Variants in SLCO1C1 observed in about 807,000 individuals in gnomAD.
SLCO1C1 encodes OAT-RP-5.
Under a neutral mutation model 76.4 loss-of-function variants are expected in SLCO1C1, and 70 were observed. The observed-to-expected ratio is 0.92, with a 90% CI of 0.76 to 1.12. SLCO1C1 has a LOEUF of 1.12. SLCO1C1 is among the 50% of genes most tolerant of loss of function. The pLI, the probability that SLCO1C1 is intolerant of heterozygous loss-of-function variation, is 0.00. For synonymous variants in SLCO1C1, 306 were observed against 286.1 expected, an observed-to-expected ratio of 1.07 and a Z score of -0.70; for missense variants, 912 against 823.8, an observed-to-expected ratio of 1.11 and a Z score of -1.31.
At chr12:20,717,321 T>C in intron 7 of SLCO1C1, 91 bp downstream of exon 7, 1 of 995,046 alleles carries the variant, frequency 1.0e-6, no homozygotes. Flanking sequence ...ATTGCCTTTT[T>C]ATAAAATGAT....
At chr12:20,742,036 C>A (rs1378229098) in intron 12 of SLCO1C1, among the ~76,000 whole-genome samples, 1 of 152,138 alleles carries the variant, frequency 6.6e-6, no homozygotes, top group East Asian at 1.9e-4. Flanking sequence ...GAAAACAGAA[C>A]TTATTATCCA....
At chr12:20,741,921 A>G (rs1242525622) in intron 12 of SLCO1C1, among the ~76,000 whole-genome samples, 1 of 152,202 alleles carries the variant, frequency 6.6e-6, no homozygotes, top group Non-Finnish European at 1.5e-5. Flanking sequence ...CTTATATTCA[A>G]GGATAAATAC....
rs1183541319 is a variant in SLCO1C1, at chr12:20,733,181, G to T, written c.1382+77G>T. The T allele has an allele frequency of 7.4e-6, 10 of 1,354,932 alleles. No homozygotes were observed. The African/African-American group carries it at 1.3e-4, about 18-fold the overall frequency. The allele number at this position is 1,354,932 out of a possible 1,614,324, so 83.9% of individuals were successfully genotyped here. A position where few individuals can be genotyped will look rare whatever the true frequency, so the allele number is the denominator to read the frequency against. ...AATTATTGGTGGAGTTGCAAAAAAGGAATTTGATTTTTAAACATCATAACT... is the reference window on the plus strand; with the variant it reads ...AATTATTGGTGGAGTTGCAAAAAAGTAATTTGATTTTTAAACATCATAACT... On this transcript the variant is annotated intron_variant, in intron 10 of 14. Coordinates refer to ENST00000266509, the MANE Select transcript of SLCO1C1 (RefSeq NM_017435.5).
In SLCO1C1 at chr12:20,752,761, CACTT is replaced by C. The variant is rs1196878986; in HGVS notation, c.*239_*242del. ...TTAATTTATATAAATTATTTTATAT[CACTT>C]ACTTATTTCACTTTATTTTGCTTTG... On this transcript the variant is annotated 3_prime_UTR_variant, in exon 15 of 15. Transcript: ENST00000266509. The C allele has an allele frequency of 2.8e-5, 9 of 320,572 alleles. No homozygotes were observed. The highest frequency in any genetic ancestry group is 3.9e-5 in the Non-Finnish European group (7 of 179,160). The allele number at this position is 320,572 out of a possible 1,614,324, so 19.9% of individuals were successfully genotyped here.
intron 13 of SLCO1C1, among the ~76,000 whole-genome samples, chr12:20,746,395 A>G (rs1474303779): frequency 6.6e-6 from 1 of 152,164 alleles, no homozygotes; most frequent in Non-Finnish European, 1.5e-5. Flanking sequence ...TATTAACTGT[A>G]TGTCAAAGTA....
At chr12:20,699,986 T>C (rs1451247350) in intron 2 of SLCO1C1, 1 of 254,892 alleles carries the variant, frequency 3.9e-6, no homozygotes, top group Non-Finnish European at 7.4e-6. Flanking sequence ...GTGCCAGATA[T>C]TAAGCCAAGC....
intron 7 of SLCO1C1, among the ~76,000 whole-genome samples, chr12:20,720,951 C>T (rs894527880): frequency 6.2e-5 from 9 of 144,844 alleles, no homozygotes; most frequent in South Asian, 2.2e-4. Context: ...GGGCCGAGAT[C>T]GCGCCATTGC....
intron 9 of SLCO1C1, among the ~76,000 whole-genome samples, chr12:20,725,595 GTTTTC>G (rs1257700018): frequency 2.0e-5 from 3 of 147,696 alleles, no homozygotes; most frequent in Non-Finnish European, 3.0e-5. Flanking sequence ...CATTTGTGTT[GTTTTC>G]TTTTAACTAA....
At position 20,753,045 on chromosome 12, in the gene SLCO1C1, T is replaced by G. The variant is rs1437727682; in HGVS notation, c.*517T>G. ...TGGAGAGGAAGATTTCATTTTAAGC[T>G]CCTCCTTTTCTTTGAAATACAATAA... On this transcript the variant is annotated 3_prime_UTR_variant, in exon 15 of 15. Coordinates refer to ENST00000266509, the MANE Select transcript of SLCO1C1 (RefSeq NM_017435.5). 6.6e-6 allele frequency: 1 copy of G among 152,194 alleles called. No homozygotes were observed. The highest frequency in any genetic ancestry group is 1.5e-5 in the Non-Finnish European group (1 of 68,042). 9.4% of individuals were successfully genotyped at this position (152,194 alleles called of 1,614,324 possible).
intron 9 of SLCO1C1, among the ~76,000 whole-genome samples, chr12:20,724,773 A>G (rs1251043692): frequency 6.8e-6 from 1 of 147,532 alleles, no homozygotes; most frequent in East Asian, 1.9e-4. Flanking sequence ...CAGTTTATTC[A>G]TTTTATAGTT....
chr12:20,727,666 C>G (rs759437009), intron 9 of SLCO1C1, among the ~76,000 whole-genome samples: 13 of 152,124 alleles, frequency 8.5e-5, no homozygotes, highest in Non-Finnish European at 1.9e-4. Flanking sequence ...CCCGCCACCA[C>G]GCCCGGCTAA....
chr12:20,700,207 A>G (rs191414714), intron 2 of SLCO1C1: 1 of 152,048 alleles, frequency 6.6e-6, no homozygotes, highest in East Asian at 1.9e-4. Flanking sequence ...AACCATGTAC[A>G]AAGATTCCCT....
chr12:20,742,830 T>C (rs1948884186), intron 12 of SLCO1C1, among the ~76,000 whole-genome samples: 2 of 152,042 alleles, frequency 1.3e-5, no homozygotes, highest in Non-Finnish European at 2.9e-5. Flanking sequence ...CCACCGCGCC[T>C]GGCCTCTGAT....
intron 3 of SLCO1C1, among the ~76,000 whole-genome samples, chr12:20,703,416 TG>T (rs1946619142): frequency 1.2e-5 from 1 of 82,980 alleles, no homozygotes; most frequent in African/African-American, 5.4e-5. Context: ...TTGTTGTTGT[TG>T]TTGATATTAC....
intron 7 of SLCO1C1, 76 bp from the exon 8 acceptor site, chr12:20,721,728 A>C: frequency 6.7e-7 from 1 of 1,486,602 alleles, no homozygotes; most frequent in Non-Finnish European, 9.0e-7. Context: ...TTTTGCAAGA[A>C]TTTATTTTTA....
At chr12:20,711,554 A>T in intron 5 of SLCO1C1, 44 bp downstream of exon 5, 1 of 1,597,616 alleles carries the variant, frequency 6.3e-7, no homozygotes, top group South Asian at 1.1e-5. Context: ...TTTTAAAAAA[A>T]AGACTTTATA....
chr12:20,717,848 C>T (rs979340727), intron 7 of SLCO1C1, among the ~76,000 whole-genome samples: 1 of 151,226 alleles, frequency 6.6e-6, no homozygotes, highest in Non-Finnish European at 1.5e-5. Context: ...GGGAGATGCA[C>T]CCTTTGGAAA....
intron 9 of SLCO1C1, among the ~76,000 whole-genome samples, chr12:20,726,310 A>C (rs149639663): frequency 7.9e-5 from 12 of 151,880 alleles, no homozygotes; most frequent in Non-Finnish European, 7.4e-5. Flanking sequence ...AATATGAGAT[A>C]GATACAAAGA....
chr12:20,750,031 C>A (rs1949222480), intron 13 of SLCO1C1, among the ~76,000 whole-genome samples: 1 of 152,148 alleles, frequency 6.6e-6, no homozygotes. Flanking sequence ...AAATGTAAGA[C>A]AACAATCTTG....
Sources: gnomAD v4.1 joint callset for allele counts (sites outside exome capture counted in the v4.1 genomes callset) on GRCh38, gnomAD v4.1.1 for gene constraint, MANE v1.5 for transcripts, NCBI Gene and HGNC (gene_info 2026-07-23, HGNC 2026-07-21) for gene names.